TP53BP1: variants seen among roughly 807,000 people sequenced by gnomAD.
TP53BP1 encodes tumor protein p53 binding protein 1, also known as TP53-binding protein 1.
TP53BP1 carries 61 observed loss-of-function variants against 200.8 expected under a neutral mutation model. That is an observed-to-expected ratio of 0.30 (90% CI 0.25 to 0.38). TP53BP1 has a LOEUF of 0.38. Ranked by LOEUF, TP53BP1 falls within the 10% of genes least tolerant of loss-of-function variation. The pLI is 1.00. For synonymous variants in TP53BP1, 822 were observed against 844.3 expected (o/e 0.97, Z 0.46); for missense variants, 2,144 against 2,371.9 (o/e 0.90, Z 2.00).
chr15:43,475,524 G>C (rs752222589), intron 9 of TP53BP1, 41 bp downstream of exon 9: 1 of 1,610,526 alleles, frequency 6.2e-7, no homozygotes. Context: ...AGACTCTCAG[G>C]CACATACTGC....
chr15:43,477,699 C>T lies in TP53BP1; in HGVS notation c.849G>A (p.Gln283=), dbSNP rs919912024. 2 of 1,613,320 alleles carry T rather than the reference C, an allele frequency of 1.2e-6. No homozygotes were observed. The highest frequency in any genetic ancestry group is 1.7e-6 in the Non-Finnish European group (2 of 1,179,744). The change falls in exon 8 of 28, where the codon CAG becomes CAA. Residue 283 remains glutamine (Q), a synonymous_variant. Coordinates refer to ENST00000382044, the MANE Select transcript of TP53BP1 (RefSeq NM_001141980.3). The part of the protein sequence containing the change: ...ASVAAMEAKE[Q]LSAQELMESG... ...TTTCCATAAGTTCTTGTGCAGACAA[C>T]TGTTCTTTTGCTTCCATAGCAGCAA...
In TP53BP1 at chr15:43,456,694, A is replaced by G; in HGVS notation, c.1914T>C (p.Thr638=). 1 of 1,614,156 alleles carries G rather than the reference A, an allele frequency of 6.2e-7. No individual in the cohort carries two copies. The highest frequency in any genetic ancestry group is 1.3e-5 in the African/African-American group (1 of 75,058). ...ACACACTAGAAAGTGCCTCAGATCG[A>G]GTAGCTGGTGACGGAACTGCCTGAC... is the stretch of plus-strand genomic sequence containing the variant. ...SGSQAVPSPA[T]RSEALSSVLD... Residue 638 remains threonine, a synonymous_variant, in exon 12 of 28, where the codon ACT becomes ACC. Coordinates refer to ENST00000382044, the MANE Select transcript of TP53BP1 (RefSeq NM_001141980.3).
At chr15:43,501,798 C>G (rs1255573189) in intron 1 of TP53BP1, among the ~76,000 whole-genome samples, 1 of 152,196 alleles carries the variant, frequency 6.6e-6, no homozygotes, top group East Asian at 1.9e-4. Flanking sequence ...TTTTTCATTG[C>G]TCAGCAACAT....
Position 43,405,338 on chromosome 15 carries a change from T to C in TP53BP1, c.*2045A>G. On this transcript the variant is annotated 3_prime_UTR_variant, in exon 28 of 28. Transcript: ENST00000382044. Reference sequence around the variant, plus strand: ...CGGCTTAGTGATAGGACTCTACCTTTTCTCCTAGAAGCAGTTACTGAACAT... The same window carrying C: ...CGGCTTAGTGATAGGACTCTACCTTCTCTCCTAGAAGCAGTTACTGAACAT... The C allele has an allele frequency of 9.0e-7, 1 of 1,110,568 alleles. No homozygotes were observed. The highest frequency in any genetic ancestry group is 2.5e-5 in the East Asian group (1 of 40,284). 68.8% of individuals were successfully genotyped at this position (1,110,568 alleles called of 1,614,324 possible).
chr15:43,493,151 G>A lies in TP53BP1; in HGVS notation c.-108C>T, dbSNP rs1395698897. On this transcript the variant is annotated 5_prime_UTR_variant, in exon 1 of 28. Transcript: ENST00000382044. ...TGTCGCCACCGCCGCCACCGGCCGC[G>A]AACTCCCCCTTTCCCGTCACGTCAC... 127 of 1,564,434 alleles carry A rather than the reference G, an allele frequency of 8.1e-5. No individual in the cohort carries two copies. Among genetic ancestry groups the A allele is most frequent in the Non-Finnish European group, 1.1e-4 (122 of 1,161,120 alleles).
At chr15:43,500,452 C>T (rs1160444416) in intron 1 of TP53BP1, among the ~76,000 whole-genome samples, 2 of 151,946 alleles carry the variant, frequency 1.3e-5, no homozygotes, top group Non-Finnish European at 2.9e-5. Context: ...CCACCCACTT[C>T]CCCCAAACTG....
intron 14 of TP53BP1, 114 bp downstream of exon 14, chr15:43,446,273 A>G: frequency 1.2e-6 from 1 of 820,728 alleles, no homozygotes; most frequent in South Asian, 1.9e-5. Flanking sequence ...TGAGTGTAAG[A>G]CTTTACAAAT....
chr15:43,497,644 T>G (rs922573567), upstream of TP53BP1: 1 of 169,436 alleles, frequency 5.9e-6, no homozygotes. Flanking sequence ...AAATATTGTG[T>G]GATTCCACTT....
intron 18 of TP53BP1, among the ~76,000 whole-genome samples, chr15:43,423,073 A>T (rs2045442877): frequency 6.7e-6 from 1 of 149,414 alleles, no homozygotes; most frequent in East Asian, 2.0e-4. Context: ...AAGTATCTAT[A>T]GACTACAAGA....
intron 4 of TP53BP1, among the ~76,000 whole-genome samples, chr15:43,485,526 G>T (rs549207136): frequency 7.9e-6 from 1 of 126,702 alleles, no homozygotes; most frequent in African/African-American, 3.0e-5. Context: ...GCAGTGAGCC[G>T]AGATCGTGCC....
chr15:43,415,515 T>C, intron 23 of TP53BP1, 79 bp downstream of exon 23: 1 of 1,493,452 alleles, frequency 6.7e-7, no homozygotes, highest in Non-Finnish European at 9.3e-7. Flanking sequence ...CTGCCACATA[T>C]TAAGCTCCAT....
chr15:43,418,523 T>TA (rs1326833492), intron 21 of TP53BP1, among the ~76,000 whole-genome samples: 1 of 147,758 alleles, frequency 6.8e-6, no homozygotes, highest in Non-Finnish European at 1.5e-5. Context: ...AAAAAAAAGA[T>TA]AGAAAGAAAG....
intron 1 of TP53BP1, among the ~76,000 whole-genome samples, chr15:43,506,682 G>A (rs1451900046): frequency 6.6e-6 from 1 of 152,184 alleles, no homozygotes; most frequent in African/African-American, 2.4e-5. Context: ...ATCATACTTG[G>A]TCATTCCAGG....
chr15:43,433,938 T>TGCTC (rs2045731224), intron 16 of TP53BP1, among the ~76,000 whole-genome samples: 1 of 152,204 alleles, frequency 6.6e-6, no homozygotes, highest in Admixed American at 6.5e-5. Flanking sequence ...AAGCAGGAAG[T>TGCTC]GCTCTTCAGG....
intron 14 of TP53BP1, among the ~76,000 whole-genome samples, chr15:43,444,268 C>G (rs567643767): frequency 2.0e-5 from 3 of 152,118 alleles, no homozygotes; most frequent in African/African-American, 7.2e-5. Flanking sequence ...TCTTGACAAA[C>G]CCTTTTTAAA....
intron 4 of TP53BP1, among the ~76,000 whole-genome samples, chr15:43,484,596 C>G (rs2079019382): frequency 6.6e-6 from 1 of 152,152 alleles, no homozygotes; most frequent in African/African-American, 2.4e-5. Context: ...GACCTCTTCT[C>G]TCACTTCTCT....
At position 43,407,951 on chromosome 15, in the gene TP53BP1, TG is replaced by T; in HGVS notation, c.5737del (p.His1913IlefsTer7). 1 of 1,612,628 alleles carries T rather than the reference TG, an allele frequency of 6.2e-7. No homozygotes were observed. The highest frequency in any genetic ancestry group is 8.5e-7 in the Non-Finnish European group (1 of 1,179,860). On this transcript the variant is annotated frameshift_variant, in exon 27 of 28. Coordinates refer to ENST00000382044, the MANE Select transcript of TP53BP1 (RefSeq NM_001141980.3). LOFTEE classifies it high-confidence loss of function. ...ASVKQHHSSA[H>X]NKDIALGVFD... Reference sequence around the variant, plus strand: ...CACACTCTTTCAGGTACCTTTGTTATGGGCACTTGAATGGTGCTGCTTCACA... The same window carrying T: ...CACACTCTTTCAGGTACCTTTGTTATGGCACTTGAATGGTGCTGCTTCACA...
chr15:43,509,704 C>T (rs1282707840), intron 1 of TP53BP1, among the ~76,000 whole-genome samples: 3 of 152,160 alleles, frequency 2.0e-5, no homozygotes, highest in Non-Finnish European at 2.9e-5. Flanking sequence ...CCACTGTGCC[C>T]GGCCGCTGTG....
At chr15:43,421,353 T>C (rs1029296746) in intron 19 of TP53BP1, among the ~76,000 whole-genome samples, 179 bp from the exon 20 acceptor site, 1 of 152,164 alleles carries the variant, frequency 6.6e-6, no homozygotes, top group African/African-American at 2.4e-5. Flanking sequence ...GAGCGTGGGA[T>C]AACAAGTAAA....
Sources: gnomAD v4.1 joint callset for allele counts (sites outside exome capture counted in the v4.1 genomes callset) on GRCh38, gnomAD v4.1.1 for gene constraint, MANE v1.5 for transcripts, NCBI Gene and HGNC (gene_info 2026-07-23, HGNC 2026-07-21) for gene names.